Variants in DGKI observed in about 807,000 individuals in gnomAD.
DGKI encodes diacylglycerol kinase iota.
DGKI carries 55 observed loss-of-function variants against 147.5 expected under a neutral mutation model. The ratio of observed to expected loss-of-function variants is 0.37; its 90% CI spans 0.30 to 0.47. The LOEUF (loss-of-function observed/expected upper bound fraction) is 0.47, where lower values mean the gene tolerates loss of function less well. Among genes scored for constraint, DGKI ranks in the 20% least tolerant of loss-of-function variants. The probability of loss-of-function intolerance (pLI) is 1.00; values close to 1 mark genes in which losing one functional copy is unlikely to be tolerated. For missense variants in DGKI, 1,007 were observed against 1,323.8 expected (o/e 0.76, Z 3.71); for synonymous variants, 469 against 477.1 (o/e 0.98, Z 0.22).
At chr7:137,648,621 C>T (rs1474908337) in intron 5 of DGKI, among the ~76,000 whole-genome samples, 1 of 152,162 alleles carries the variant, frequency 6.6e-6, no homozygotes, top group East Asian at 1.9e-4. Context: ...TATCCCAGGA[C>T]AGAGCAGGAT....
intron 2 of DGKI, among the ~76,000 whole-genome samples, chr7:137,679,990 CAA>C (rs768437551): frequency 4.0e-3 from 214 of 54,036 alleles, no homozygotes; most frequent in African/African-American, 9.7e-3. Flanking sequence ...GACTCCATCT[CAA>C]AAAAAAAAAA....
At chr7:137,691,460 T>G (rs73731017) in intron 1 of DGKI, among the ~76,000 whole-genome samples, 1 of 151,686 alleles carries the variant, frequency 6.6e-6, no homozygotes, top group African/African-American at 2.4e-5. Flanking sequence ...CTCCAGACAG[T>G]GGAATGGAGA....
chr7:137,443,298 T>G (rs1466820454), intron 28 of DGKI, among the ~76,000 whole-genome samples: 1 of 152,176 alleles, frequency 6.6e-6, no homozygotes, highest in Non-Finnish European at 1.5e-5. Context: ...GAACGATCAT[T>G]TTGGTGCTAG....
At chr7:137,741,758 A>G (rs1486465255) in intron 1 of DGKI, among the ~76,000 whole-genome samples, 2 of 152,182 alleles carry the variant, frequency 1.3e-5, no homozygotes, top group South Asian at 4.1e-4. Flanking sequence ...CTCTCAACAA[A>G]TTTGTATGCT....
chr7:137,508,009 T>C (rs1816427392), intron 21 of DGKI, among the ~76,000 whole-genome samples: 1 of 152,122 alleles, frequency 6.6e-6, no homozygotes, highest in South Asian at 2.1e-4. Flanking sequence ...AAAGGAAATG[T>C]TCAGGAATTA....
At chr7:137,843,233 T>C (rs1798597709) in intron 1 of DGKI, among the ~76,000 whole-genome samples, 1 of 151,794 alleles carries the variant, frequency 6.6e-6, no homozygotes. Flanking sequence ...CTGAAGTCTT[T>C]TTTTTTTTAT....
intron 3 of DGKI, among the ~76,000 whole-genome samples, chr7:137,657,866 G>A (rs775417650): frequency 6.6e-6 from 1 of 152,178 alleles, no homozygotes; most frequent in Non-Finnish European, 1.5e-5. Context: ...CAGCCTCATA[G>A]GTCTTGGACA....
intron 1 of DGKI, among the ~76,000 whole-genome samples, chr7:137,791,986 C>G (rs1029363315): frequency 2.6e-5 from 4 of 152,148 alleles, no homozygotes; most frequent in Non-Finnish European, 5.9e-5. Flanking sequence ...AGTGGCCATT[C>G]AGAAAGGATA....
At chr7:137,397,290 C>T in intron 31 of DGKI, 87 bp downstream of exon 31, 1 of 1,251,856 alleles carries the variant, frequency 8.0e-7, no homozygotes, top group Non-Finnish European at 1.1e-6. Flanking sequence ...TTAAAATTAC[C>T]TATGATATGC....
At chr7:137,632,641 GAGGTC>G (rs1821163691) in intron 6 of DGKI, among the ~76,000 whole-genome samples, 1 of 150,870 alleles carries the variant, frequency 6.6e-6, no homozygotes, top group Non-Finnish European at 1.5e-5. Context: ...GGCAGATCAC[GAGGTC>G]AGGAGATCGA....
Position 137,387,229 on chromosome 7 carries a change from T to C in DGKI, c.*3991A>G, listed in dbSNP as rs1811201956. 6.6e-6 allele frequency: 1 copy of C among 152,088 alleles called. No homozygotes were observed. The highest frequency in any genetic ancestry group is 2.4e-5 in the African/African-American group (1 of 41,424). The allele number at this position is 152,088 out of a possible 1,614,324, so 9.4% of individuals were successfully genotyped here. The stretch of plus-strand genomic sequence containing the variant: ...CTCTCCTTTACTTGAAATACAAACA[T>C]AGCATAGATAAGTCTTGGGGCTATG... On this transcript the variant is annotated 3_prime_UTR_variant, in exon 33 of 33. Transcript: ENST00000614521.
chr7:137,716,820 T>C (rs1300336390), intron 1 of DGKI, among the ~76,000 whole-genome samples: 3 of 152,248 alleles, frequency 2.0e-5, no homozygotes, highest in African/African-American at 7.2e-5. Flanking sequence ...AGCTAGCCTA[T>C]TCCTTTGCCT....
chr7:137,784,707 T>C (rs1054441894), intron 1 of DGKI, among the ~76,000 whole-genome samples: 12 of 152,056 alleles, frequency 7.9e-5, no homozygotes, highest in African/African-American at 2.4e-4. Context: ...TTCTCCAAGA[T>C]AGACCATATG....
At chr7:137,624,967 T>C (rs980795842) in intron 6 of DGKI, among the ~76,000 whole-genome samples, 6 of 152,174 alleles carry the variant, frequency 3.9e-5, no homozygotes, top group Non-Finnish European at 7.4e-5. Context: ...TCCAGTCTTC[T>C]GTATGTGGAC....
At chr7:137,472,540 T>C (rs1433664530) in intron 23 of DGKI, among the ~76,000 whole-genome samples, 1 of 148,912 alleles carries the variant, frequency 6.7e-6, no homozygotes, top group Non-Finnish European at 1.5e-5. Flanking sequence ...ATCCTGATTG[T>C]TGAGCTAAGT....
intron 2 of DGKI, among the ~76,000 whole-genome samples, chr7:137,680,831 G>GA (rs1369305288): frequency 6.6e-6 from 1 of 152,092 alleles, no homozygotes; most frequent in Admixed American, 6.5e-5. Context: ...CATTTGCTGG[G>GA]AAAAAATACC....
chr7:137,604,150 A>G (rs568195981), intron 10 of DGKI, among the ~76,000 whole-genome samples: 1 of 152,242 alleles, frequency 6.6e-6, no homozygotes, highest in Non-Finnish European at 1.5e-5. Context: ...TTTTAATTCC[A>G]TCTGTTGAGG....
chr7:137,741,956 T>A (rs536340696), intron 1 of DGKI, among the ~76,000 whole-genome samples: 10 of 152,310 alleles, frequency 6.6e-5, no homozygotes, highest in African/African-American at 2.2e-4. Context: ...AAAAAATTCC[T>A]GTCAAAAATG....
At chr7:137,670,839 C>T (rs1337007140) in intron 3 of DGKI, among the ~76,000 whole-genome samples, 1 of 152,218 alleles carries the variant, frequency 6.6e-6, no homozygotes, top group Non-Finnish European at 1.5e-5. Flanking sequence ...CTGTGCCAGA[C>T]AACTGGCATT....
Sources: gnomAD v4.1 joint callset for allele counts (sites outside exome capture counted in the v4.1 genomes callset) on GRCh38, gnomAD v4.1.1 for gene constraint, MANE v1.5 for transcripts, NCBI Gene and HGNC (gene_info 2026-07-23, HGNC 2026-07-21) for gene names.